Variants in TSC1 observed in about 807,000 individuals in gnomAD.
TSC1 encodes hamartin.
A neutral mutation model predicts 124.3 loss-of-function variants in TSC1; 20 were observed. That is an observed-to-expected ratio of 0.16 (90% confidence interval 0.11 to 0.23). TSC1 has a LOEUF of 0.23. Ranked by LOEUF, TSC1 falls within the 10% of genes least tolerant of loss-of-function variation. The pLI is 1.00. For synonymous variants in TSC1, 493 were observed against 539.1 expected (o/e 0.91, Z 1.19); for missense variants, 1,124 against 1,448.5 (o/e 0.78, Z 3.64).
At chr9:132,897,163 G>A (rs2285411) in intron 22 of TSC1, 21 bp downstream of exon 22, 2 of 1,613,810 alleles carry the variant, frequency 1.2e-6, no homozygotes, top group African/African-American at 1.3e-5. Flanking sequence ...CCAAGGTCAT[G>A]AATCAGTTCT....
intron 8 of TSC1, 190 bp from the exon 9 acceptor site, chr9:132,912,647 G>A: frequency 1.6e-6 from 1 of 628,076 alleles, no homozygotes; most frequent in East Asian, 2.8e-5. Flanking sequence ...TACCTTCCCT[G>A]TTTAAAATGG....
At chr9:132,929,601 G>C (rs1389302852) in intron 2 of TSC1, among the ~76,000 whole-genome samples, 1 of 152,174 alleles carries the variant, frequency 6.6e-6, no homozygotes, top group East Asian at 1.9e-4. Context: ...TAGTAGAGCA[G>C]CTGCTTTATC....
intron 8 of TSC1, among the ~76,000 whole-genome samples, chr9:132,916,210 T>C (rs1846265754): frequency 6.6e-6 from 1 of 152,096 alleles, no homozygotes; most frequent in South Asian, 2.1e-4. Flanking sequence ...AAAATAGAAG[T>C]ACAGCACACA....
rs766538245 is a variant in TSC1 at position 132,904,376 on chromosome 9, G to A, written c.2041+35C>T. On this transcript the variant is annotated intron_variant, in intron 16 of 22. Transcript: ENST00000298552. ...AGGGCAACAAGCAAGCAGGAACCAT[G>A]TGGGCTGGATTTGGAGCTAAAGTAA... 2.5e-6 allele frequency: 4 copies of A among 1,612,818 alleles called. No individual in the cohort carries two copies. In the East Asian group the frequency reaches 8.9e-5, roughly 36 times the overall value.
rs1440243651 is a variant in TSC1, at chr9:132,906,690, G to C, written c.1438+41C>G. ...AATCCCAGATTTATAGCAGAGCGAGGGTCAGGTTTTATCAACTCATAGCAA... is the reference window on the plus strand; with the variant it reads ...AATCCCAGATTTATAGCAGAGCGAGCGTCAGGTTTTATCAACTCATAGCAA... On this transcript the variant is annotated intron_variant, in intron 14 of 22. Transcript: ENST00000298552. This position sits in a 1 kb window ranked among gnomAD's most constrained non-coding sequence, Gnocchi z 4.1. 2.0e-6 allele frequency: 3 copies of C among 1,528,042 alleles called. No homozygotes were observed. Among genetic ancestry groups the C allele is most frequent in the Non-Finnish European group, 2.7e-6 (3 of 1,108,854 alleles). The allele number at this position is 1,528,042 out of a possible 1,614,324, so 94.7% of individuals were successfully genotyped here. A position where few individuals can be genotyped will look rare whatever the true frequency, so the allele number is the denominator to read the frequency against.
chr9:132,918,426 A>T (rs1846374259), intron 8 of TSC1, among the ~76,000 whole-genome samples: 1 of 152,192 alleles, frequency 6.6e-6, no homozygotes, highest in Non-Finnish European at 1.5e-5. Flanking sequence ...AAACCACTGG[A>T]GGAGCAGTCA....
chr9:132,892,688 C>T lies in TSC1; in HGVS notation c.*3547G>A. ...TCATTACGCAGAACTTTTGTTTGCT[C>T]TTCGGTTCTTTCCTTCTTCAAGTGG... On this transcript the variant is annotated 3_prime_UTR_variant, in exon 23 of 23. Transcript: ENST00000298552. 1 of 233,344 alleles carries T rather than the reference C, an allele frequency of 4.3e-6. No homozygotes were observed. The highest frequency in any genetic ancestry group is 8.5e-6 in the Non-Finnish European group (1 of 118,072). The allele number at this position is 233,344 out of a possible 1,614,324, so 14.5% of individuals were successfully genotyped here. A position where few individuals can be genotyped will look rare whatever the true frequency, so the allele number is the denominator to read the frequency against.
In TSC1 at chr9:132,921,849, T is replaced by C. The variant is rs753550247; in HGVS notation, c.633A>G (p.Glu211=). ...SFLRSHYSMK[E]NLETFEEVVK... ...CCACTTCTTCAAAAGTCTCCAGGTT[T>C]TCTTTCATACTGTAATGAGAACGCA... Residue 211 remains glutamate (E), a synonymous_variant, in exon 7 of 23, where the codon GAA becomes GAG. Transcript: ENST00000298552. This position sits in a 1 kb window ranked among gnomAD's most constrained non-coding sequence, Gnocchi z 4.3. 6.2e-7 allele frequency: 1 copy of C among 1,614,230 alleles called. No individual in the cohort carries two copies. Among genetic ancestry groups the C allele is most frequent in the African/African-American group, 1.3e-5 (1 of 75,064 alleles).
At chr9:132,938,662 T>C (rs1355187625) in intron 1 of TSC1, among the ~76,000 whole-genome samples, 3 of 152,204 alleles carry the variant, frequency 2.0e-5, no homozygotes, top group African/African-American at 7.2e-5. Context: ...ACAGCTGTCA[T>C]TAGCAGGACC....
chr9:132,920,762 C>A (rs996117861), intron 8 of TSC1, among the ~76,000 whole-genome samples: 2 of 151,984 alleles, frequency 1.3e-5, no homozygotes, highest in Admixed American at 6.5e-5. Context: ...GCTGGGCCTC[C>A]CACAGCTCAG....
At chr9:132,911,591 AG>A in intron 9 of TSC1, 23 bp from the exon 10 acceptor site, 1 of 1,034,048 alleles carries the variant, frequency 9.7e-7, no homozygotes, top group Non-Finnish European at 1.5e-6. Flanking sequence ...AGAAGAACAC[AG>A]GGGGTTAGTG....
At chr9:132,909,569 T>G (rs1429654580) in intron 12 of TSC1, among the ~76,000 whole-genome samples, 1 of 152,212 alleles carries the variant, frequency 6.6e-6, no homozygotes, top group Non-Finnish European at 1.5e-5. Context: ...AATAACCAGT[T>G]TGTAAGACAG....
chr9:132,921,544 TA>T lies in TSC1; in HGVS notation c.664-109del. The T allele has an allele frequency of 7.7e-7, 1 of 1,307,120 alleles. No individual in the cohort carries two copies. Among genetic ancestry groups the T allele is most frequent in the East Asian group, 2.4e-5 (1 of 41,578 alleles). 81.0% of individuals were successfully genotyped at this position (1,307,120 alleles called of 1,614,324 possible). A position where few individuals can be genotyped will look rare whatever the true frequency, so the allele number is the denominator to read the frequency against. ...AGGAATGAAGTACTGATACATGTTA[TA>T]ACACAGATGGAACCTTGAGAACATT... is the stretch of plus-strand genomic sequence containing the variant. On this transcript the variant is annotated intron_variant, in intron 7 of 22. Coordinates refer to ENST00000298552, the MANE Select transcript of TSC1 (RefSeq NM_000368.5). This position sits in a 1 kb window ranked among gnomAD's most constrained non-coding sequence, Gnocchi z 4.3.
At position 132,902,986 on chromosome 9, in the gene TSC1, C is replaced by CT. The variant is rs1275119015; in HGVS notation, c.2209-200dup. On this transcript the variant is annotated intron_variant, in intron 17 of 22. Coordinates refer to ENST00000298552, the MANE Select transcript of TSC1 (RefSeq NM_000368.5). This position sits in a 1 kb window ranked among gnomAD's most constrained non-coding sequence, Gnocchi z 5.2. ...CAAATTTTACATTAAGCAAATGGAT[C>CT]TTAAGTTGCTTAAATAAATCTTCTC... Among the ~76,000 whole-genome samples, 1 of 152,188 alleles carries CT rather than the reference C, an allele frequency of 6.6e-6. No individual in the cohort carries two copies. The highest frequency in any genetic ancestry group is 1.5e-5 in the Non-Finnish European group (1 of 68,044).
chr9:132,915,513 T>C (rs1846229824), intron 8 of TSC1, among the ~76,000 whole-genome samples: 1 of 152,228 alleles, frequency 6.6e-6, no homozygotes, highest in African/African-American at 2.4e-5. Flanking sequence ...AAACATTCTA[T>C]AAAGGCCCTA....
At chr9:132,937,351 G>A (rs571322797) in intron 1 of TSC1, among the ~76,000 whole-genome samples, 1 of 152,368 alleles carries the variant, frequency 6.6e-6, no homozygotes, top group South Asian at 2.1e-4. Context: ...GCTAAGGCAG[G>A]AGAATCACTT....
chr9:132,905,632 A>C lies in TSC1; in HGVS notation c.1946T>G (p.Leu649Arg). ...GVPSTSPMEV[L>R]DRLIQQGADA... ...TGCTCCCTGCTGTATCAGTCTGTCC[A>C]GCACTTCCATTGGGGAGGTAGAGGG... The change falls in exon 15 of 23, where the codon CTG (leucine) becomes CGG (arginine). Residue 649 changes from leucine to arginine, a missense_variant. Coordinates refer to ENST00000298552, the MANE Select transcript of TSC1 (RefSeq NM_000368.5). The C allele has an allele frequency of 6.2e-7, 1 of 1,614,238 alleles. No homozygotes were observed. Among genetic ancestry groups the C allele is most frequent in the Non-Finnish European group, 8.5e-7 (1 of 1,180,040 alleles).
Position 132,913,898 on chromosome 9 carries a change from T to G in TSC1, c.738-1441A>C, listed in dbSNP as rs1249975651. Among the ~76,000 whole-genome samples, 96 of 126,920 alleles carry G rather than the reference T, an allele frequency of 7.6e-4. 1 individual carries two copies. In the East Asian group the frequency reaches 0.01, roughly 13 times the overall value. 83.3% of individuals were successfully genotyped at this position (126,920 alleles called of 152,430 possible). On this transcript the variant is annotated intron_variant, in intron 8 of 22. Coordinates refer to ENST00000298552, the MANE Select transcript of TSC1 (RefSeq NM_000368.5). ...GGTTTTTTGTTTTGTTTTGTTTTTTTTTTTTTTTTTTTTTTTTTTAGACAG... is the reference window on the plus strand; with the variant it reads ...GGTTTTTTGTTTTGTTTTGTTTTTTGTTTTTTTTTTTTTTTTTTTAGACAG...
rs1845666018 is a variant in TSC1, at chr9:132,906,249, G to A, written c.1439-110C>T. 7.8e-7 allele frequency: 1 copy of A among 1,283,386 alleles called. No individual in the cohort carries two copies. Among genetic ancestry groups the A allele is most frequent in the African/African-American group, 1.5e-5 (1 of 68,000 alleles). 79.5% of individuals were successfully genotyped at this position (1,283,386 alleles called of 1,614,324 possible). ...ATGCCAGTGTCACTCAGAGAGAGGA[G>A]AAAAAGTGGCATCCGGCTGGACACA... On this transcript the variant is annotated intron_variant, in intron 14 of 22. Transcript: ENST00000298552. This position sits in a 1 kb window ranked among gnomAD's most constrained non-coding sequence, Gnocchi z 4.1.
Sources: allele counts gnomAD v4.1 joint callset (sites outside exome capture counted in the v4.1 genomes callset), GRCh38; gene constraint gnomAD v4.1.1; non-coding constraint Gnocchi (gnomAD v3.1); transcripts MANE v1.5; gene names NCBI Gene and HGNC (gene_info 2026-07-23, HGNC 2026-07-21).